Variants in CDYL observed in about 807,000 individuals in gnomAD.
The protein encoded by CDYL is chromodomain Y-like protein.
In CDYL, 8 loss-of-function variants were observed where a neutral mutation model predicts 47.3. The ratio of observed to expected loss-of-function variants is 0.17; its 90% CI spans 0.10 to 0.31. The LOEUF (loss-of-function observed/expected upper bound fraction) is 0.31. Among genes scored for constraint, CDYL ranks in the 10% least tolerant of loss-of-function variants. The pLI, the probability that CDYL is intolerant of heterozygous loss-of-function variation, is 1.00. For synonymous variants in CDYL, 266 were observed against 265.0 expected, an observed-to-expected ratio of 1.00 and a Z score of -0.04; for missense variants, 471 against 701.4, an observed-to-expected ratio of 0.67 and a Z score of 3.71.
At chr6:4,910,408 C>T (rs1445520355) in intron 2 of CDYL, among the ~76,000 whole-genome samples, 2 of 152,164 alleles carry the variant, frequency 1.3e-5, no homozygotes, top group African/African-American at 4.8e-5. Context: ...CCTTTAACTC[C>T]CTTCATACTT....
intron 2 of CDYL, among the ~76,000 whole-genome samples, chr6:4,904,036 G>A (rs573671683): frequency 7.9e-5 from 12 of 152,254 alleles, no homozygotes; most frequent in East Asian, 3.9e-4. Context: ...AAGAGCCCTC[G>A]TTTCTGATGA....
chr6:4,929,155 T>C (rs7755300), intron 2 of CDYL, among the ~76,000 whole-genome samples: 28,199 of 152,150 alleles, frequency 0.19, 2,818 homozygotes, highest in Non-Finnish European at 0.21. Context: ...AGCTTTTATC[T>C]AGAAATGTGT....
chr6:4,730,834 A>T (rs950453886), intron 2 of CDYL, among the ~76,000 whole-genome samples: 5 of 152,090 alleles, frequency 3.3e-5, no homozygotes, highest in African/African-American at 1.2e-4. Context: ...TTGCAATTCC[A>T]TGCCTCACTC....
intron 3 of CDYL, 73 bp from the exon 4 acceptor site, chr6:4,937,491 CT>C: frequency 1.6e-6 from 2 of 1,215,814 alleles, no homozygotes; most frequent in Non-Finnish European, 1.1e-6. Context: ...GTGAGACTCT[CT>C]CCAAAAAAAA....
At chr6:4,722,595 T>C (rs1441639261) in intron 2 of CDYL, among the ~76,000 whole-genome samples, 2 of 150,880 alleles carry the variant, frequency 1.3e-5, no homozygotes, top group African/African-American at 2.4e-5. Context: ...CCACAGTTCA[T>C]GCCAGGCACA....
At chr6:4,892,557 C>CTCTT in intron 2 of CDYL, among the ~76,000 whole-genome samples, 178 bp downstream of exon 2, 1 of 152,312 alleles carries the variant, frequency 6.6e-6, no homozygotes, top group South Asian at 2.1e-4. Flanking sequence ...TCTCTTAATT[C>CTCTT]GGCAACTAGT....
At chr6:4,884,640 A>G (rs897927278) in intron 1 of CDYL, among the ~76,000 whole-genome samples, 7 of 152,200 alleles carry the variant, frequency 4.6e-5, no homozygotes, top group African/African-American at 7.2e-5. Context: ...CTCGGAGACA[A>G]GATAGTGTCT....
At chr6:4,866,854 G>A (rs577400530) in intron 1 of CDYL, among the ~76,000 whole-genome samples, 83 of 152,022 alleles carry the variant, frequency 5.5e-4, no homozygotes, top group Non-Finnish European at 8.0e-4. Flanking sequence ...GAGAGTTCAC[G>A]GATGTATTCT....
chr6:4,847,529 C>T (rs940541003), intron 1 of CDYL, among the ~76,000 whole-genome samples: 9 of 152,178 alleles, frequency 5.9e-5, no homozygotes, highest in Admixed American at 5.2e-4. Context: ...CTTGTAGTTA[C>T]TGTTGAGTGA....
At chr6:4,830,435 C>T (rs1164309469) in intron 1 of CDYL, among the ~76,000 whole-genome samples, 1 of 152,100 alleles carries the variant, frequency 6.6e-6, no homozygotes, top group Non-Finnish European at 1.5e-5. Context: ...ATCAGGCTAC[C>T]CCATTGTGTC....
chr6:4,932,765 G>T (rs17356490), intron 2 of CDYL, among the ~76,000 whole-genome samples: 7,567 of 152,246 alleles, frequency 0.05, 255 homozygotes, highest in South Asian at 0.07. Flanking sequence ...GCACAGCATT[G>T]TTTCTGGTGT....
chr6:4,909,891 T>A (rs1757357488), intron 2 of CDYL, among the ~76,000 whole-genome samples: 1 of 152,142 alleles, frequency 6.6e-6, no homozygotes, highest in South Asian at 2.1e-4. Context: ...TACTTCTTAC[T>A]GTGGCCTACA....
At chr6:4,819,076 T>C (rs933252864) in intron 1 of CDYL, among the ~76,000 whole-genome samples, 5 of 150,422 alleles carry the variant, frequency 3.3e-5, no homozygotes, top group African/African-American at 9.8e-5. Context: ...TATACCTTGA[T>C]AATGGAAATG....
intron 5 of CDYL, among the ~76,000 whole-genome samples, chr6:4,946,780 GGCATGCCCTTC>G (rs1431909730): frequency 6.6e-6 from 1 of 152,180 alleles, no homozygotes; most frequent in African/African-American, 2.4e-5. Flanking sequence ...CAGCACTCCA[GGCATGCCCTTC>G]CCTGCTGTGG....
intron 2 of CDYL, among the ~76,000 whole-genome samples, chr6:4,731,691 C>T (rs1757607462): frequency 6.6e-6 from 1 of 152,018 alleles, no homozygotes; most frequent in Non-Finnish European, 1.5e-5. Flanking sequence ...CCCAGCTACT[C>T]AGGAGACTGA....
chr6:4,778,093 C>G (rs755685004), intron 1 of CDYL, among the ~76,000 whole-genome samples: 4 of 152,116 alleles, frequency 2.6e-5, no homozygotes, highest in Non-Finnish European at 4.4e-5. Flanking sequence ...TTCTCAGGAG[C>G]TTTCCTTCTA....
intron 1 of CDYL, among the ~76,000 whole-genome samples, chr6:4,812,046 C>T (rs1294082709): frequency 1.3e-5 from 2 of 152,096 alleles, no homozygotes; most frequent in Non-Finnish European, 2.9e-5. Context: ...TCTGAGGCAC[C>T]GCCCCAATCC....
At chr6:4,721,342 A>G (rs963655585) in intron 2 of CDYL, among the ~76,000 whole-genome samples, 1 of 152,010 alleles carries the variant, frequency 6.6e-6, no homozygotes, top group Non-Finnish European at 1.5e-5. Flanking sequence ...GTGCTGCCGA[A>G]GAGAGCACTT....
At chr6:4,784,730 T>C (rs938373525) in intron 1 of CDYL, among the ~76,000 whole-genome samples, 28 of 152,186 alleles carry the variant, frequency 1.8e-4, no homozygotes, top group African/African-American at 6.8e-4. Flanking sequence ...CAAGTTGATA[T>C]GGTTTGGCTG....
Sources: gnomAD v4.1 joint callset for allele counts (sites outside exome capture counted in the v4.1 genomes callset) on GRCh38, gnomAD v4.1.1 for gene constraint, MANE v1.5 for transcripts, NCBI Gene and HGNC (gene_info 2026-07-23, HGNC 2026-07-21) for gene names.